CCDC172: variants seen among roughly 807,000 people sequenced by gnomAD.
CCDC172 encodes the protein coiled-coil domain containing 172.
Under a neutral mutation model 38.0 loss-of-function variants are expected in CCDC172, and 30 were observed. The observed-to-expected ratio is 0.79, with a 90% CI of 0.59 to 1.07. CCDC172 has a LOEUF of 1.07. Ranked by LOEUF, CCDC172 falls within the 50% of genes least tolerant of loss-of-function variation. CCDC172 has a pLI of 0.00. For missense variants in CCDC172, 297 were observed against 290.1 expected (o/e 1.02, Z -0.17); for synonymous variants, 78 against 88.3 (o/e 0.88, Z 0.66).
chr10:116,334,315 A>C (rs892588690), intron 3 of CCDC172, among the ~76,000 whole-genome samples: 2 of 152,208 alleles, frequency 1.3e-5, no homozygotes, highest in Non-Finnish European at 2.9e-5. Flanking sequence ...ATTACTTTTC[A>C]AAATTAAGAT....
chr10:116,336,176 C>A (rs1408572527), intron 3 of CCDC172, among the ~76,000 whole-genome samples: 1 of 146,960 alleles, frequency 6.8e-6, no homozygotes, highest in Non-Finnish European at 1.5e-5. Context: ...TCAACAACAA[C>A]AAAAATGTAT....
At chr10:116,324,697 GA>G (rs1844567813) in intron 1 of CCDC172, 84 bp downstream of exon 1, 18 of 288,380 alleles carry the variant, frequency 6.2e-5, no homozygotes, top group South Asian at 2.3e-4. Context: ...TTCCGCCAGG[GA>G]AAAAGGCAGA....
intron 7 of CCDC172, among the ~76,000 whole-genome samples, chr10:116,369,863 A>C (rs1413707639): frequency 6.6e-6 from 1 of 151,940 alleles, no homozygotes; most frequent in East Asian, 1.9e-4. Context: ...TAATCTTGCC[A>C]AAAGAGTTTG....
chr10:116,363,263 C>G (rs972782611), intron 7 of CCDC172, among the ~76,000 whole-genome samples: 2 of 152,092 alleles, frequency 1.3e-5, no homozygotes, highest in Admixed American at 1.3e-4. Flanking sequence ...CAGGACCGCT[C>G]CCTCTTCTAG....
intron 7 of CCDC172, among the ~76,000 whole-genome samples, chr10:116,376,024 G>A (rs1845239949): frequency 6.6e-6 from 1 of 152,160 alleles, no homozygotes; most frequent in African/African-American, 2.4e-5. Context: ...CCATTACTGG[G>A]TATATACCCA....
At chr10:116,363,882 G>A (rs112374300) in intron 7 of CCDC172, among the ~76,000 whole-genome samples, 38 of 149,460 alleles carry the variant, frequency 2.5e-4, no homozygotes, top group African/African-American at 6.7e-4. Context: ...AATGAGCCGA[G>A]ATCACATCAT....
Position 116,363,211 on chromosome 10 carries a change from C to T in CCDC172, c.653+5273C>T, listed in dbSNP as rs1397577763. Among the ~76,000 whole-genome samples, 7 of 152,076 alleles carry T rather than the reference C, an allele frequency of 4.6e-5. No homozygotes were observed. The East Asian group carries it at 1.4e-3, about 29-fold the overall frequency. The stretch of plus-strand genomic sequence containing the variant: ...AGAAAATATGTGGTAAAAGGAGATG[C>T]CTACCCCAACCAACCAGGATTTGGA... On this transcript the variant is annotated intron_variant, in intron 7 of 8. Coordinates refer to ENST00000333254, the MANE Select transcript of CCDC172 (RefSeq NM_198515.3).
intron 7 of CCDC172, among the ~76,000 whole-genome samples, chr10:116,363,112 CA>C (rs1845083346): frequency 6.6e-6 from 1 of 152,140 alleles, no homozygotes; most frequent in African/African-American, 2.4e-5. Flanking sequence ...TAATGTCATA[CA>C]GATTTCTTTT....
intron 7 of CCDC172, among the ~76,000 whole-genome samples, chr10:116,364,866 G>C (rs1357059472): frequency 3.3e-5 from 5 of 152,146 alleles, no homozygotes; most frequent in Non-Finnish European, 5.9e-5. Context: ...GCTAAAATGA[G>C]TATGTTGTTA....
intron 3 of CCDC172, among the ~76,000 whole-genome samples, chr10:116,339,062 C>T (rs574647705): frequency 2.6e-5 from 4 of 151,992 alleles, no homozygotes; most frequent in African/African-American, 4.8e-5. Flanking sequence ...ACTGCAAACA[C>T]CCTTCTCAGT....
chr10:116,342,444 G>A (rs570498292), intron 5 of CCDC172, among the ~76,000 whole-genome samples: 5 of 152,190 alleles, frequency 3.3e-5, no homozygotes, highest in East Asian at 1.9e-4. Flanking sequence ...TATGTGATAG[G>A]CACTGTTCTA....
At chr10:116,338,357 T>C (rs192568364) in intron 3 of CCDC172, among the ~76,000 whole-genome samples, 186 of 152,166 alleles carry the variant, frequency 1.2e-3, no homozygotes, top group African/African-American at 4.4e-3. Flanking sequence ...CTGGGACTCT[T>C]TAGATCTGGA....
chr10:116,343,959 A>G (rs1057307703), intron 5 of CCDC172, among the ~76,000 whole-genome samples: 5 of 152,148 alleles, frequency 3.3e-5, no homozygotes, highest in African/African-American at 1.2e-4. Context: ...TTTACCCTCA[A>G]GACATTTCTT....
chr10:116,378,516 T>C lies in CCDC172; in HGVS notation c.741+6T>C. The C allele has an allele frequency of 6.3e-7, 1 of 1,593,108 alleles. No individual in the cohort carries two copies. The highest frequency in any genetic ancestry group is 8.6e-7 in the Non-Finnish European group (1 of 1,167,892). On this transcript the variant is annotated splice_donor_region_variant and intron_variant, in intron 8 of 8. Coordinates refer to ENST00000333254, the MANE Select transcript of CCDC172 (RefSeq NM_198515.3). ...AAATAGAATTTTTGGAGTTGGTAAGTTATCATTGATTGTTTAACTTTTGTT... is the reference window on the plus strand; with the variant it reads ...AAATAGAATTTTTGGAGTTGGTAAGCTATCATTGATTGTTTAACTTTTGTT...
intron 7 of CCDC172, among the ~76,000 whole-genome samples, chr10:116,366,539 G>A (rs1300065258): frequency 6.6e-6 from 1 of 152,036 alleles, no homozygotes; most frequent in African/African-American, 2.4e-5. Context: ...TTTTTTCTAA[G>A]ATTTACCCAC....
chr10:116,370,198 C>T lies in CCDC172; in HGVS notation c.654-8225C>T, dbSNP rs553475579. 2.1e-4 allele frequency among the ~76,000 whole-genome samples: 31 copies of T among 149,184 alleles called. No homozygotes were observed. In the Middle Eastern group the frequency reaches 0.027, roughly 131 times the overall value. On this transcript the variant is annotated intron_variant, in intron 7 of 8. Coordinates refer to ENST00000333254, the MANE Select transcript of CCDC172 (RefSeq NM_198515.3). ...GGTTTTTGCTACACAACCTTTTAAA[C>T]GTAATTGAATTTAATACTCTTTTCT... is the stretch of plus-strand genomic sequence containing the variant.
At chr10:116,370,939 T>A (rs2134967794) in intron 7 of CCDC172, among the ~76,000 whole-genome samples, 1 of 151,968 alleles carries the variant, frequency 6.6e-6, no homozygotes, top group Non-Finnish European at 1.5e-5. Flanking sequence ...TTTGAATTTT[T>A]TTATTCATTG....
At chr10:116,349,304 C>T (rs968590140) in intron 5 of CCDC172, among the ~76,000 whole-genome samples, 3 of 152,112 alleles carry the variant, frequency 2.0e-5, no homozygotes, top group African/African-American at 7.2e-5. Flanking sequence ...TGCAATTGAA[C>T]CATCCTGAAG....
rs182893679 is a variant in CCDC172, at chr10:116,346,054, G to A, written c.448+3853G>A. On this transcript the variant is annotated intron_variant, in intron 5 of 8. Transcript: ENST00000333254. ...TGTCCGTTAAGAAGTGAATGGTTTC[G>A]GAGGCCGAGGTGGGCGGATCACAAG... Among the ~76,000 whole-genome samples the A allele has an allele frequency of 9.4e-4, 143 of 152,086 alleles. 1 individual carries two copies. In the East Asian group the frequency reaches 0.022, roughly 23 times the overall value.
Sources: gnomAD v4.1 joint callset for allele counts (sites outside exome capture counted in the v4.1 genomes callset) on GRCh38, gnomAD v4.1.1 for gene constraint, MANE v1.5 for transcripts, NCBI Gene and HGNC (gene_info 2026-07-23, HGNC 2026-07-21) for gene names.